The following GSDMB variants were observed in gnomAD, a reference collection of about 807,000 sequenced individuals.
GSDMB encodes the protein gasdermin-B.
GSDMB carries 32 observed loss-of-function variants against 42.9 expected under a neutral mutation model. The ratio of observed to expected loss-of-function variants is 0.75; its 90% confidence interval spans 0.56 to 1.00. GSDMB has a LOEUF of 1.00. Among genes scored for constraint, GSDMB ranks in the 50% least tolerant of loss-of-function variants. GSDMB has a pLI of 0.00. For synonymous variants in GSDMB, 175 were observed against 193.7 expected (o/e 0.90, Z 0.80); for missense variants, 468 against 498.5 (o/e 0.94, Z 0.58).
In GSDMB at chr17:39,904,659, TG is replaced by T; in HGVS notation, c.*152del. The T allele has an allele frequency of 1.7e-6, 1 of 595,872 alleles. No individual in the cohort carries two copies. Among genetic ancestry groups the T allele is most frequent in the Non-Finnish European group, 2.9e-6 (1 of 345,066 alleles). The allele number at this position is 595,872 out of a possible 1,614,324, so 36.9% of individuals were successfully genotyped here. A position where few individuals can be genotyped will look rare whatever the true frequency, so the allele number is the denominator to read the frequency against. Reference sequence around the variant, plus strand: ...GTATGAAATCCAGGCTGGTTTTGGATGTTAACATGGAGCGAATGGGATACAT... The same window carrying T: ...GTATGAAATCCAGGCTGGTTTTGGATTTAACATGGAGCGAATGGGATACAT... On this transcript the variant is annotated 3_prime_UTR_variant, in exon 11 of 11. Transcript: ENST00000418519.
intron 2 of GSDMB, among the ~76,000 whole-genome samples, chr17:39,915,210 G>T (rs1164594320): frequency 6.6e-6 from 1 of 152,136 alleles, no homozygotes; most frequent in African/African-American, 2.4e-5. Context: ...GACCTCAAGT[G>T]ATCCACCCGC....
Position 39,909,056 on chromosome 17 carries a change from C to G in GSDMB, c.577-14G>C, listed in dbSNP as rs765025185. Reference sequence around the variant, plus strand: ...TTCCCTTTGGCCCTAGAAAAAGGAGCTCACATTGACGGATCCCCAGGTGTT... The same window carrying G: ...TTCCCTTTGGCCCTAGAAAAAGGAGGTCACATTGACGGATCCCCAGGTGTT... On this transcript the variant is annotated splice_polypyrimidine_tract_variant and intron_variant, in intron 4 of 10. Transcript: ENST00000418519. The G allele has an allele frequency of 2.0e-6, 3 of 1,516,182 alleles. No homozygotes were observed. Among genetic ancestry groups the G allele is most frequent in the Non-Finnish European group, 2.7e-6 (3 of 1,109,720 alleles). The allele number at this position is 1,516,182 out of a possible 1,614,324, so 93.9% of individuals were successfully genotyped here. A position where few individuals can be genotyped will look rare whatever the true frequency, so the allele number is the denominator to read the frequency against.
chr17:39,905,662 CTT>C (rs887631593), intron 9 of GSDMB, among the ~76,000 whole-genome samples, 166 bp from the exon 10 acceptor site: 5 of 152,150 alleles, frequency 3.3e-5, no homozygotes, highest in African/African-American at 1.2e-4. Flanking sequence ...CTGCTTCCCT[CTT>C]GGCCTGCAGG....
intron 6 of GSDMB, 53 bp from the exon 7 acceptor site, chr17:39,907,040 T>C: frequency 6.2e-7 from 1 of 1,612,666 alleles, no homozygotes; most frequent in Non-Finnish European, 8.5e-7. Context: ...TCCAGTCCCC[T>C]GCAGACTTCT....
intron 2 of GSDMB, among the ~76,000 whole-genome samples, chr17:39,912,834 A>C (rs1249808738): frequency 2.6e-5 from 4 of 152,236 alleles, no homozygotes; most frequent in African/African-American, 7.2e-5. Context: ...GGCTGGGCAC[A>C]GTGGCTCACG....
Position 39,909,720 on chromosome 17 carries a change from C to G in GSDMB, c.576+36G>C, listed in dbSNP as rs199960707. The G allele has an allele frequency of 1.1e-5, 17 of 1,590,572 alleles. 1 individual carries two copies. The East Asian group carries it at 1.1e-4, about 10-fold the overall frequency. ...TTGACCTGCGGGGTGTGGGCCAACA[C>G]TGGCCTCCACAGTCCCTGCCTCCCA... On this transcript the variant is annotated intron_variant, in intron 4 of 10. Transcript: ENST00000418519.
chr17:39,908,672 G>A (rs1229930508), intron 5 of GSDMB, among the ~76,000 whole-genome samples: 4 of 152,144 alleles, frequency 2.6e-5, no homozygotes, highest in African/African-American at 9.7e-5. Context: ...GAGCCACCAC[G>A]TCCAGCCAAA....
chr17:39,904,653 T>G lies in GSDMB; in HGVS notation c.*159A>C. 1 of 578,142 alleles carries G rather than the reference T, an allele frequency of 1.7e-6. No homozygotes were observed. The allele number at this position is 578,142 out of a possible 1,614,324, so 35.8% of individuals were successfully genotyped here. ...GTCCATGTATGAAATCCAGGCTGGT[T>G]TTGGATGTTAACATGGAGCGAATGG... On this transcript the variant is annotated 3_prime_UTR_variant, in exon 11 of 11. Transcript: ENST00000418519.
At chr17:39,917,581 C>CT (rs2063735957) in intron 1 of GSDMB, 2 of 375,066 alleles carry the variant, frequency 5.3e-6, no homozygotes, top group Admixed American at 8.9e-5. Flanking sequence ...ACAATATAGT[C>CT]TCCCCGCCGC....
intron 2 of GSDMB, among the ~76,000 whole-genome samples, 166 bp from the exon 3 acceptor site, chr17:39,912,663 A>G (rs1383416828): frequency 6.6e-6 from 1 of 152,188 alleles, no homozygotes; most frequent in Non-Finnish European, 1.5e-5. Context: ...TCTCACCAGA[A>G]GCACAGTTAC....
chr17:39,909,699 C>A (rs2063570983), intron 4 of GSDMB, 57 bp downstream of exon 4: 1 of 1,482,808 alleles, frequency 6.7e-7, no homozygotes, highest in Admixed American at 1.7e-5. Flanking sequence ...ATCGCCTTGA[C>A]CTGCGGGGTG....
intron 2 of GSDMB, 132 bp from the exon 3 acceptor site, chr17:39,912,629 C>A (rs1362730776): frequency 1.4e-6 from 1 of 693,318 alleles, no homozygotes; most frequent in African/African-American, 1.8e-5. Context: ...AGCGCCACAG[C>A]TGTGGCTGTC....
At chr17:39,907,289 C>T (rs1463185219) in intron 6 of GSDMB, 2 of 898,700 alleles carry the variant, frequency 2.2e-6, no homozygotes, top group Non-Finnish European at 2.9e-6. Flanking sequence ...CTTCTCTATC[C>T]CTTTCCAAGC....
chr17:39,914,041 G>A (rs954946796), intron 2 of GSDMB, among the ~76,000 whole-genome samples: 4 of 152,038 alleles, frequency 2.6e-5, no homozygotes, highest in Non-Finnish European at 5.9e-5. Context: ...GAGAGAAAAA[G>A]AAAAATAAAA....
intron 2 of GSDMB, among the ~76,000 whole-genome samples, chr17:39,915,633 T>C (rs2063697057): frequency 6.6e-6 from 1 of 151,650 alleles, no homozygotes; most frequent in Non-Finnish European, 1.5e-5. Flanking sequence ...AGCTGACTTT[T>C]AGCAAATTGG....
chr17:39,913,817 A>G (rs1342653231), intron 2 of GSDMB, among the ~76,000 whole-genome samples: 2 of 152,098 alleles, frequency 1.3e-5, no homozygotes, highest in Admixed American at 6.5e-5. Flanking sequence ...TTTGTCTCCA[A>G]CCTCCCAGAT....
chr17:39,917,585 C>T (rs2063736384), intron 1 of GSDMB: 3 of 96,252 alleles, frequency 3.1e-5, no homozygotes, highest in Non-Finnish European at 5.0e-5. Context: ...TATAGTCTCC[C>T]CGCCGCCGCC....
At chr17:39,913,986 G>A (rs2063661514) in intron 2 of GSDMB, among the ~76,000 whole-genome samples, 1 of 152,002 alleles carries the variant, frequency 6.6e-6, no homozygotes. Flanking sequence ...AATGTCTTAG[G>A]GACCATTTGC....
intron 2 of GSDMB, among the ~76,000 whole-genome samples, chr17:39,913,935 A>G (rs1197195239): frequency 1.3e-5 from 2 of 152,220 alleles, no homozygotes; most frequent in Non-Finnish European, 2.9e-5. Context: ...CAGAATTAGA[A>G]ACAGTGACTG....
Sources: allele counts gnomAD v4.1 joint callset (sites outside exome capture counted in the v4.1 genomes callset), GRCh38; gene constraint gnomAD v4.1.1; transcripts MANE v1.5; gene names NCBI Gene and HGNC (gene_info 2026-07-23, HGNC 2026-07-21).